The following ADAMTS17 variants were observed in gnomAD, a reference collection of about 807,000 sequenced individuals.
ADAMTS17 encodes ADAM metallopeptidase with thrombospondin type 1 motif 17, also known as A disintegrin and metalloproteinase with thrombospondin motifs 17.
Under a neutral mutation model 141.5 loss-of-function variants are expected in ADAMTS17, and 113 were observed. The ratio of observed to expected loss-of-function variants is 0.80; its 90% CI spans 0.69 to 0.93. The LOEUF (loss-of-function observed/expected upper bound fraction) is 0.93, where lower values mean the gene tolerates loss of function less well. Ranked by LOEUF, ADAMTS17 falls within the 40% of genes least tolerant of loss-of-function variation. The pLI, the probability that ADAMTS17 is intolerant of heterozygous loss-of-function variation, is 0.00. For synonymous variants in ADAMTS17, 768 were observed against 630.6 expected, an observed-to-expected ratio of 1.22 and a Z score of -3.27; for missense variants, 1,659 against 1,517.9, an observed-to-expected ratio of 1.09 and a Z score of -1.54.
chr15:99,978,674 C>T (rs1279565714), intron 20 of ADAMTS17: 1 of 152,252 alleles, frequency 6.6e-6, no homozygotes, highest in East Asian at 1.9e-4. Context: ...GCCTTGAACA[C>T]AAGACAGGTG....
chr15:100,032,290 C>T (rs950356284), intron 18 of ADAMTS17, among the ~76,000 whole-genome samples: 3 of 152,174 alleles, frequency 2.0e-5, no homozygotes, highest in Admixed American at 1.3e-4. Context: ...TCCAGGAAGG[C>T]ACCCGTCAGC....
At chr15:100,321,596 G>A (rs575851039) in intron 3 of ADAMTS17, among the ~76,000 whole-genome samples, 1 of 152,284 alleles carries the variant, frequency 6.6e-6, no homozygotes, top group Non-Finnish European at 1.5e-5. Flanking sequence ...AAAAGTATTG[G>A]CAGGGATAAA....
chr15:100,214,345 A>G (rs1167957230), intron 7 of ADAMTS17, among the ~76,000 whole-genome samples: 2 of 152,230 alleles, frequency 1.3e-5, no homozygotes, highest in Admixed American at 6.5e-5. Flanking sequence ...GGCCAAAAAA[A>G]GGGACAAAAG....
At chr15:100,194,184 T>C (rs1201249132) in intron 8 of ADAMTS17, among the ~76,000 whole-genome samples, 4 of 152,212 alleles carry the variant, frequency 2.6e-5, no homozygotes, top group Non-Finnish European at 5.9e-5. Flanking sequence ...GTCCTGTCTC[T>C]AGACATCTCC....
In ADAMTS17 at chr15:100,151,775, T is replaced by C. The variant is rs543075023; in HGVS notation, c.1473+837A>G. On this transcript the variant is annotated intron_variant, in intron 10 of 21. Coordinates refer to ENST00000268070, the MANE Select transcript of ADAMTS17 (RefSeq NM_139057.4). ...CCCTGTGGCCAGGGCCTTCCCTGTCTGCTACACAGATGGCCACAGGCATGG... is the reference window on the plus strand; with the variant it reads ...CCCTGTGGCCAGGGCCTTCCCTGTCCGCTACACAGATGGCCACAGGCATGG... Among the ~76,000 whole-genome samples the C allele has an allele frequency of 5.1e-4, 78 of 152,254 alleles. 1 individual carries two copies. The highest frequency in any genetic ancestry group is 1.8e-3 in the African/African-American group (76 of 41,566).
At chr15:100,184,346 A>G (rs2141550371) in intron 8 of ADAMTS17, among the ~76,000 whole-genome samples, 1 of 152,346 alleles carries the variant, frequency 6.6e-6, no homozygotes, top group Admixed American at 6.5e-5. Flanking sequence ...GGAGAGGAAA[A>G]GAAAATCCAG....
At position 100,261,641 on chromosome 15, in the gene ADAMTS17, A is replaced by T; in HGVS notation, c.874-5T>A. 1 of 1,613,350 alleles carries T rather than the reference A, an allele frequency of 6.2e-7. No homozygotes were observed. Among genetic ancestry groups the T allele is most frequent in the Non-Finnish European group, 8.5e-7 (1 of 1,179,700 alleles). On this transcript the variant is annotated splice_region_variant and splice_polypyrimidine_tract_variant and intron_variant, in intron 5 of 21. Transcript: ENST00000268070. Reference sequence around the variant, plus strand: ...GTGCCCAATGGACAACTTAGCCTAAAAAAAGTCAGAGGACAGTTAGAGAAA... The same window carrying T: ...GTGCCCAATGGACAACTTAGCCTAATAAAAGTCAGAGGACAGTTAGAGAAA...
At chr15:99,983,485 C>G (rs926028570) in intron 20 of ADAMTS17, among the ~76,000 whole-genome samples, 1 of 152,154 alleles carries the variant, frequency 6.6e-6, no homozygotes, top group Admixed American at 6.5e-5. Context: ...CAGCGGGATT[C>G]CCTTCCCCTA....
chr15:100,056,468 G>C (rs539732546), intron 15 of ADAMTS17, among the ~76,000 whole-genome samples: 5 of 152,198 alleles, frequency 3.3e-5, no homozygotes, highest in African/African-American at 1.2e-4. Context: ...GGATGGTTTT[G>C]GGATGAAACT....
intron 10 of ADAMTS17, among the ~76,000 whole-genome samples, chr15:100,149,791 T>C (rs1374496672): frequency 2.6e-5 from 4 of 152,236 alleles, no homozygotes; most frequent in African/African-American, 9.6e-5. Context: ...TCCTATCTTT[T>C]GCTGAGAAAA....
chr15:99,985,818 C>T (rs968311198), intron 20 of ADAMTS17, among the ~76,000 whole-genome samples: 3 of 152,194 alleles, frequency 2.0e-5, no homozygotes, highest in African/African-American at 7.2e-5. Context: ...TTTGTAAATT[C>T]TAAAGCAACG....
At chr15:100,144,170 G>A (rs545695467) in intron 10 of ADAMTS17, among the ~76,000 whole-genome samples, 1 of 152,260 alleles carries the variant, frequency 6.6e-6, no homozygotes, top group South Asian at 2.1e-4. Context: ...TCTGGCCCTG[G>A]GTCTACTAAC....
intron 13 of ADAMTS17, among the ~76,000 whole-genome samples, chr15:100,111,188 C>A (rs2036757522): frequency 6.6e-6 from 1 of 152,174 alleles, no homozygotes; most frequent in African/African-American, 2.4e-5. Flanking sequence ...CTCTGGGGGG[C>A]ACTTCCGGGG....
rs142937497 is a variant in ADAMTS17 at position 99,985,432 on chromosome 15, A to G, written c.2949+7616T>C. ...CAATAAGGACTCAACTTTTACTTTC[A>G]CAATTAAGGGGAGGCTAAACATGCA... On this transcript the variant is annotated intron_variant, in intron 20 of 21. Transcript: ENST00000268070. Among the ~76,000 whole-genome samples, 4 of 152,188 alleles carry G rather than the reference A, an allele frequency of 2.6e-5. No homozygotes were observed. The East Asian group carries it at 7.7e-4, about 29-fold the overall frequency.
Position 100,235,148 on chromosome 15 carries a change from C to T in ADAMTS17, c.1075+18988G>A, listed in dbSNP as rs539872710. On this transcript the variant is annotated intron_variant, in intron 7 of 21. Coordinates refer to ENST00000268070, the MANE Select transcript of ADAMTS17 (RefSeq NM_139057.4). ...GATGAGATAGGATGCAGGAGGTGCTCGGGGAGAAACGGAAGGGAGAAATGG... is the reference window on the plus strand; with the variant it reads ...GATGAGATAGGATGCAGGAGGTGCTTGGGGAGAAACGGAAGGGAGAAATGG... Among the ~76,000 whole-genome samples the T allele has an allele frequency of 4.3e-4, 65 of 152,188 alleles. No individual in the cohort carries two copies. The South Asian group carries it at 9.3e-3, about 22-fold the overall frequency.
intron 8 of ADAMTS17, among the ~76,000 whole-genome samples, chr15:100,171,568 C>G (rs2040162271): frequency 6.6e-6 from 1 of 152,208 alleles, no homozygotes; most frequent in Admixed American, 6.5e-5. Flanking sequence ...CCACTGTCCT[C>G]TGGCGGGCCC....
chr15:100,321,353 T>G lies in ADAMTS17; in HGVS notation c.616+9536A>C, dbSNP rs2045728451. Among the ~76,000 whole-genome samples the G allele has an allele frequency of 2.0e-5, 3 of 152,086 alleles. No individual in the cohort carries two copies. The South Asian group carries it at 6.2e-4, about 32-fold the overall frequency. Reference sequence around the variant, plus strand: ...AACAGATAAAATAAATAAAATGAATTCTAGCAATACTAGAAACATGAAAAC... The same window carrying G: ...AACAGATAAAATAAATAAAATGAATGCTAGCAATACTAGAAACATGAAAAC... On this transcript the variant is annotated intron_variant, in intron 3 of 21. Transcript: ENST00000268070.
intron 7 of ADAMTS17, among the ~76,000 whole-genome samples, chr15:100,242,271 T>C (rs1286416883): frequency 6.6e-6 from 1 of 152,164 alleles, no homozygotes; most frequent in Non-Finnish European, 1.5e-5. Flanking sequence ...GAGCAGTCAC[T>C]GGGAAAACGA....
intron 10 of ADAMTS17, among the ~76,000 whole-genome samples, chr15:100,138,581 T>A (rs1346710900): frequency 2.6e-5 from 4 of 152,176 alleles, no homozygotes; most frequent in Non-Finnish European, 4.4e-5. Context: ...TTATCCAGAA[T>A]GCAGCCTGCA....
Sources: gnomAD v4.1 joint callset for allele counts (sites outside exome capture counted in the v4.1 genomes callset) on GRCh38, gnomAD v4.1.1 for gene constraint, MANE v1.5 for transcripts, NCBI Gene and HGNC (gene_info 2026-07-23, HGNC 2026-07-21) for gene names.